Variants in CFAP46 observed in about 807,000 individuals in gnomAD.
The protein encoded by CFAP46 is cilia- and flagella-associated protein 46.
In CFAP46, 245 loss-of-function variants were observed where a neutral mutation model predicts 325.7. The ratio of observed to expected loss-of-function variants is 0.75; its 90% CI spans 0.68 to 0.84. The LOEUF is 0.84. Ranked by LOEUF, CFAP46 falls within the 40% of genes least tolerant of loss-of-function variation. The probability of loss-of-function intolerance (pLI) is 0.00; values close to 1 mark genes in which losing one functional copy is unlikely to be tolerated. For synonymous variants in CFAP46, 1,523 were observed against 1,495.9 expected, an observed-to-expected ratio of 1.02 and a Z score of -0.42; for missense variants, 3,346 against 3,543.0, an observed-to-expected ratio of 0.94 and a Z score of 1.41.
At chr10:132,929,382 A>G (rs1233622624) in intron 9 of CFAP46, 5 of 651,680 alleles carry the variant, frequency 7.7e-6, no homozygotes, top group Admixed American at 7.0e-5. Flanking sequence ...TACACGTCCA[A>G]TAATGGGACT....
In CFAP46 at chr10:132,879,483, G is replaced by A. The variant is rs1379787445; in HGVS notation, c.3948C>T (p.Ala1316=). 2.9e-5 allele frequency: 45 copies of A among 1,546,426 alleles called. No individual in the cohort carries two copies. Among genetic ancestry groups the A allele is most frequent in the East Asian group, 4.9e-5 (2 of 40,866 alleles). The change falls in exon 29 of 58, where the codon GCC becomes GCT. Residue 1316 remains alanine (A), a synonymous_variant. Coordinates refer to ENST00000368586, the MANE Select transcript of CFAP46 (RefSeq NM_001200049.3). ...ILLALVLSPG[A]EGYEDCCLAA... ...CAAGGCAGCAGTCCTCGTAGCCCTC[G>A]GCGCCCGGCGACAGCACCAGGGCCA...
chr10:132,823,184 G>GA (rs200420078), intron 50 of CFAP46, among the ~76,000 whole-genome samples: 46 of 131,920 alleles, frequency 3.5e-4, no homozygotes, highest in South Asian at 1.6e-3. Flanking sequence ...TCTGTGCGCT[G>GA]TGTGCTGATG....
intron 50 of CFAP46, among the ~76,000 whole-genome samples, chr10:132,822,666 CGCTTGTGTGT>C (rs1209836441): frequency 4.2e-5 from 4 of 95,662 alleles, no homozygotes; most frequent in Non-Finnish European, 6.0e-5. Context: ...GCTGTGTGTG[CGCTTGTGTGT>C]GCTGTGTGTG....
In CFAP46 at chr10:132,942,470, G is replaced by C; in HGVS notation, c.15C>G (p.Ile5Met). Reference protein sequence around the residue: MDLVITQELARAESQ... With the variant: MDLVMTQELARAESQ... Reference sequence around the variant, plus strand: ...TCTCGGCGCGGGCCAGCTCCTGCGTGATGACCAGGTCCATGGCGCCGGCGC... The same window carrying C: ...TCTCGGCGCGGGCCAGCTCCTGCGTCATGACCAGGTCCATGGCGCCGGCGC... The change falls in exon 1 of 58, where the codon ATC becomes ATG. Residue 5 changes from isoleucine to methionine, a missense_variant. Ile to Met is a conservative substitution (Grantham distance 10). Coordinates refer to ENST00000368586, the MANE Select transcript of CFAP46 (RefSeq NM_001200049.3). 1 of 1,250,776 alleles carries C rather than the reference G, an allele frequency of 8.0e-7. No homozygotes were observed. The highest frequency in any genetic ancestry group is 9.9e-7 in the Non-Finnish European group (1 of 1,009,356). 77.5% of individuals were successfully genotyped at this position (1,250,776 alleles called of 1,614,324 possible).
At chr10:132,853,269 A>G (rs1342190972) in intron 39 of CFAP46, among the ~76,000 whole-genome samples, 1 of 152,184 alleles carries the variant, frequency 6.6e-6, no homozygotes. Flanking sequence ...TGGGTGTTGA[A>G]TTTTGTCAAA....
In CFAP46 at chr10:132,808,789, G is replaced by A. The variant is rs377482174; in HGVS notation, c.7780C>T (p.Gln2594Ter). The A allele has an allele frequency of 6.7e-5, 107 of 1,601,392 alleles. No homozygotes were observed. The highest frequency in any genetic ancestry group is 8.7e-5 in the Non-Finnish European group (102 of 1,174,466). Residue 2594 changes from glutamine (Q) to a stop codon, truncating the protein, a stop_gained, in exon 58 of 58, where the codon CAG becomes TAG. Transcript: ENST00000368586. LOFTEE classifies it low-confidence loss of function (END_TRUNC). This position sits in a 1 kb window ranked among gnomAD's most constrained non-coding sequence, Gnocchi z 6.8. Reference protein sequence around the residue: ...WAAAPSHRVVQAWTCLPSAAG... With the variant: ...WAAAPSHRVV ...GCTGATGGGAGGCAGGTCCAGGCCT[G>A]CACTACCCGATGGCTTGGTGCGGCA...
intron 50 of CFAP46, among the ~76,000 whole-genome samples, chr10:132,831,029 T>C (rs1477298085): frequency 1.3e-5 from 2 of 152,230 alleles, no homozygotes; most frequent in Non-Finnish European, 2.9e-5. Context: ...TTTAATTTCT[T>C]CTTTTATCCG....
Position 132,909,972 on chromosome 10 carries a change from C to G in CFAP46, c.2596G>C (p.Ala866Pro). ...ATCTGCTGCTGCAGCAGCTGCTTGG[C>G]CTTGACCCAGGTGGCGATAAGCTGC... is the stretch of plus-strand genomic sequence containing the variant. ...RQQLIATWVKAKQLLQQQIGP... is the reference protein window; with the variant it reads ...RQQLIATWVKPKQLLQQQIGP... Residue 866 changes from alanine (A) to proline (P), a missense_variant, in exon 20 of 58, where the codon GCC becomes CCC. Coordinates refer to ENST00000368586, the MANE Select transcript of CFAP46 (RefSeq NM_001200049.3). 6.5e-7 allele frequency: 1 copy of G among 1,540,864 alleles called. No individual in the cohort carries two copies. Among genetic ancestry groups the G allele is most frequent in the Non-Finnish European group, 8.7e-7 (1 of 1,143,734 alleles).
intron 55 of CFAP46, among the ~76,000 whole-genome samples, chr10:132,812,432 C>T (rs1217172176): frequency 3.3e-5 from 5 of 152,186 alleles, no homozygotes; most frequent in Middle Eastern, 3.2e-3. Flanking sequence ...CCGTGACCAG[C>T]GCGGTCCTGA....
intron 4 of CFAP46, among the ~76,000 whole-genome samples, 189 bp from the exon 5 acceptor site, chr10:132,938,942 C>T (rs1456537925): frequency 6.6e-6 from 1 of 152,168 alleles, no homozygotes; most frequent in Non-Finnish European, 1.5e-5. Flanking sequence ...CAGAGCCCTT[C>T]CCTGGGACAG....
intron 8 of CFAP46, among the ~76,000 whole-genome samples, chr10:132,933,306 C>A (rs1849942280): frequency 6.6e-6 from 1 of 152,254 alleles, no homozygotes; most frequent in Non-Finnish European, 1.5e-5. Flanking sequence ...AGCGCACAGG[C>A]CTGCTGGGCA....
At position 132,850,291 on chromosome 10, in the gene CFAP46, G is replaced by C. The variant is rs1219838686; in HGVS notation, c.5905C>G (p.Gln1969Glu). Residue 1969 changes from glutamine (Q) to glutamate (E), a missense_variant, in exon 41 of 58, where the codon CAA becomes GAA. Transcript: ENST00000368586. ...AGRALHLLAM[Q>E]ADPVHPTCYW... is the part of the protein sequence containing the mutation. ...CAGGTAGGGTGCACAGGGTCAGCTT[G>C]CATGGCCAGCAGGTGCAGGGCCCTC... 6.4e-7 allele frequency: 1 copy of C among 1,550,796 alleles called. No individual in the cohort carries two copies. Among genetic ancestry groups the C allele is most frequent in the African/African-American group, 1.4e-5 (1 of 73,062 alleles).
In CFAP46 at chr10:132,867,387, G is replaced by A. The variant is rs991509043; in HGVS notation, c.4731C>T (p.Asp1577=). The change falls in exon 34 of 58, where the codon GAC becomes GAT. Residue 1577 remains aspartate (D), a synonymous_variant. Transcript: ENST00000368586. ...ACGGTGAGGTTACCTTGTCCTTGGC[G>A]TCCAGTGGTTTGATCTCCCCAGGCT... The part of the protein sequence containing the change: ...PVQPGEIKPL[D]AKDKILKMNG... 67 of 1,549,952 alleles carry A rather than the reference G, an allele frequency of 4.3e-5. No individual in the cohort carries two copies. In the African/African-American group the frequency reaches 4.5e-4, roughly 10 times the overall value.
At chr10:132,926,263 C>T (rs116031592) in intron 10 of CFAP46, among the ~76,000 whole-genome samples, 2,297 of 152,326 alleles carry the variant, frequency 0.015, 70 homozygotes, top group African/African-American at 0.052. Context: ...GCAGGCATCA[C>T]CACACGGCGG....
At chr10:132,893,788 A>T (rs1377024169) in intron 24 of CFAP46, among the ~76,000 whole-genome samples, 4 of 152,190 alleles carry the variant, frequency 2.6e-5, no homozygotes, top group Non-Finnish European at 5.9e-5. Context: ...CTGCTCTAAG[A>T]CTTGCCTCTG....
At chr10:132,860,628 G>A (rs146077414) in intron 36 of CFAP46, 105 bp from the exon 37 acceptor site, 12,968 of 1,170,846 alleles carry the variant, frequency 0.011, 199 homozygotes, top group Middle Eastern at 0.053. Context: ...GAGGACAGGC[G>A]GGGGTAGATA....
In CFAP46 at chr10:132,939,982, C is replaced by T. The variant is rs1331955596; in HGVS notation, c.371+1014G>A. On this transcript the variant is annotated intron_variant, in intron 4 of 57. Transcript: ENST00000368586. The surrounding 1 kb of genome is among the most constrained non-coding windows in gnomAD (Gnocchi z 4.6). The stretch of plus-strand genomic sequence containing the variant: ...GGCAAGGCTCTGTCACCCCCTGACC[C>T]GTCCACAGTGCCCCTGAGGGCCCTG... Among the ~76,000 whole-genome samples, 2 of 152,184 alleles carry T rather than the reference C, an allele frequency of 1.3e-5. No homozygotes were observed. The highest frequency in any genetic ancestry group is 2.4e-5 in the African/African-American group (1 of 41,456).
Position 132,867,812 on chromosome 10 carries a change from C to T in CFAP46, c.4611-305G>A, listed in dbSNP as rs186887624. ...CCAGCCCCGGCCCCGCTGTGCCTCC[C>T]GCGGGCACCCCCACCGGAAAGTTCG... On this transcript the variant is annotated intron_variant, in intron 33 of 57. Transcript: ENST00000368586. 4.6e-3 allele frequency among the ~76,000 whole-genome samples: 701 copies of T among 152,162 alleles called. 5 individuals are homozygous for T. The highest frequency in any genetic ancestry group is 0.016 in the African/African-American group (669 of 41,518).
chr10:132,843,622 C>T (rs553455755), intron 44 of CFAP46, among the ~76,000 whole-genome samples: 41 of 76,806 alleles, frequency 5.3e-4, no homozygotes, highest in African/African-American at 1.4e-3. Context: ...GCTCTGGTCT[C>T]GGTGAGTGTT....
Sources: gnomAD v4.1 joint callset for allele counts (sites outside exome capture counted in the v4.1 genomes callset) on GRCh38, gnomAD v4.1.1 for gene constraint, Gnocchi (gnomAD v3.1) non-coding constraint, MANE v1.5 for transcripts, NCBI Gene and HGNC (gene_info 2026-07-23, HGNC 2026-07-21) for gene names.